NEDD4L: variants seen among roughly 807,000 people sequenced by gnomAD.
The protein encoded by NEDD4L is NEDD4 like E3 ubiquitin protein ligase, also known as E3 ubiquitin-protein ligase NEDD4-like.
A neutral mutation model predicts 148.9 loss-of-function variants in NEDD4L; 54 were observed. The ratio of observed to expected loss-of-function variants is 0.36; its 90% CI spans 0.29 to 0.45. The LOEUF (loss-of-function observed/expected upper bound fraction) is 0.45, where lower values mean the gene tolerates loss of function less well. Among genes scored for constraint, NEDD4L ranks in the 20% least tolerant of loss-of-function variants. The pLI is 1.00. For missense variants in NEDD4L, 856 were observed against 1,233.8 expected (o/e 0.69, Z 4.59); for synonymous variants, 433 against 440.7 (o/e 0.98, Z 0.22).
At chr18:58,155,030 A>G (rs1329502530) in intron 1 of NEDD4L, among the ~76,000 whole-genome samples, 1 of 152,254 alleles carries the variant, frequency 6.6e-6, no homozygotes, top group Non-Finnish European at 1.5e-5. Context: ...TGTGAAAGGA[A>G]TAAGTATTTA....
rs2081484465 is a variant in NEDD4L at position 58,044,555 on chromosome 18, TA to T, written c.-105del. 4.5e-6 allele frequency: 6 copies of T among 1,327,134 alleles called. No individual in the cohort carries two copies. The South Asian group carries it at 1.1e-4, about 24-fold the overall frequency. 82.2% of individuals were successfully genotyped at this position (1,327,134 alleles called of 1,614,324 possible). A position where few individuals can be genotyped will look rare whatever the true frequency, so the allele number is the denominator to read the frequency against. Reference sequence around the variant, plus strand: ...CTTACCCGGCAGGGCGTGCGCAGGGTAGGGTGCGGGACCGGGGGGACCTGGA... The same window carrying T: ...CTTACCCGGCAGGGCGTGCGCAGGGTGGGTGCGGGACCGGGGGGACCTGGA... On this transcript the variant is annotated 5_prime_UTR_variant, in exon 1 of 31. Transcript: ENST00000400345.
At chr18:58,394,129 G>A (rs531804127) in intron 30 of NEDD4L, among the ~76,000 whole-genome samples, 3 of 152,292 alleles carry the variant, frequency 2.0e-5, no homozygotes, top group East Asian at 3.9e-4. Context: ...AGCCAGGTCC[G>A]TGTGTCCTGA....
intron 5 of NEDD4L, among the ~76,000 whole-genome samples, chr18:58,274,850 C>T (rs553942398): frequency 1.3e-5 from 2 of 152,314 alleles, no homozygotes; most frequent in East Asian, 3.8e-4. Context: ...CTTGGTAATA[C>T]GTTTTTTATG....
In NEDD4L at chr18:58,291,299, A is replaced by G. The variant is rs540033458; in HGVS notation, c.298-24683A>G. ...CACAGCCCCCACTCAGAGGTGAGAT[A>G]GGTCACCTTTTCTCATTAGCCAAAA... On this transcript the variant is annotated intron_variant, in intron 5 of 30. Coordinates refer to ENST00000400345, the MANE Select transcript of NEDD4L (RefSeq NM_001144967.3). Among the ~76,000 whole-genome samples the G allele has an allele frequency of 3.3e-5, 5 of 152,362 alleles. No homozygotes were observed. In the East Asian group the frequency reaches 9.6e-4, roughly 29 times the overall value.
chr18:58,215,373 G>GTGA (rs1385236606), intron 2 of NEDD4L, among the ~76,000 whole-genome samples: 1 of 152,126 alleles, frequency 6.6e-6, no homozygotes, highest in Non-Finnish European at 1.5e-5. Context: ...TCTTCAGTCA[G>GTGA]TGATGCCAAG....
chr18:58,057,702 C>T (rs1361172402), intron 1 of NEDD4L, among the ~76,000 whole-genome samples: 1 of 152,144 alleles, frequency 6.6e-6, no homozygotes, highest in East Asian at 1.9e-4. Flanking sequence ...CTAGTCAATT[C>T]CATGGGCTGG....
At chr18:58,080,945 G>GT (rs2083398078) in intron 1 of NEDD4L, among the ~76,000 whole-genome samples, 1 of 152,040 alleles carries the variant, frequency 6.6e-6, no homozygotes, top group Admixed American at 6.6e-5. Flanking sequence ...GTAGAGGGCT[G>GT]GGGGGTATGA....
In NEDD4L at chr18:58,335,538, G is replaced by C; in HGVS notation, c.1125+1G>C. 2 of 1,611,346 alleles carry C rather than the reference G, an allele frequency of 1.2e-6. No homozygotes were observed. Among genetic ancestry groups the C allele is most frequent in the Non-Finnish European group, 1.7e-6 (2 of 1,177,552 alleles). On this transcript the variant is annotated splice_donor_variant, in intron 13 of 30. Transcript: ENST00000400345. LOFTEE classifies it high-confidence loss of function. ...TGTCACGGGTGGTGAGGAACCAACG[G>C]TAATGATCCACTTTATCAGACATCA...
chr18:58,400,760 A>G lies in NEDD4L; in HGVS notation c.*4491A>G, dbSNP rs1332005993. On this transcript the variant is annotated 3_prime_UTR_variant, in exon 31 of 31. Coordinates refer to ENST00000400345, the MANE Select transcript of NEDD4L (RefSeq NM_001144967.3). The stretch of plus-strand genomic sequence containing the variant: ...ATCAGAAGCCTTCCTCGTGACCATA[A>G]CTCTGTGTCTGCAGATATGTGTTCC... 2 of 151,818 alleles carry G rather than the reference A, an allele frequency of 1.3e-5. No individual in the cohort carries two copies. The highest frequency in any genetic ancestry group is 2.9e-5 in the Non-Finnish European group (2 of 67,952). The allele number at this position is 151,818 out of a possible 1,614,324, so 9.4% of individuals were successfully genotyped here.
At chr18:58,327,836 G>C (rs756022420) in intron 9 of NEDD4L, among the ~76,000 whole-genome samples, 23 of 152,098 alleles carry the variant, frequency 1.5e-4, no homozygotes, top group Admixed American at 6.5e-4. Flanking sequence ...GTATCTGTGA[G>C]AGTTTTCCCT....
intron 2 of NEDD4L, among the ~76,000 whole-genome samples, chr18:58,214,252 G>A (rs2042903343): frequency 6.6e-6 from 1 of 152,190 alleles, no homozygotes; most frequent in African/African-American, 2.4e-5. Flanking sequence ...CTGGCATCTG[G>A]AGAATACTTG....
chr18:58,089,929 TC>T (rs1262041020), intron 1 of NEDD4L, among the ~76,000 whole-genome samples: 1 of 151,144 alleles, frequency 6.6e-6, no homozygotes, highest in Non-Finnish European at 1.5e-5. Flanking sequence ...AACCTCCATC[TC>T]CCAAGCTCAA....
At chr18:58,047,503 T>C (rs1047338886) in intron 1 of NEDD4L, 1 of 985,400 alleles carries the variant, frequency 1.0e-6, no homozygotes, top group South Asian at 4.7e-5. Context: ...CTGTCCACTT[T>C]GTAGAAGGTA....
intron 1 of NEDD4L, among the ~76,000 whole-genome samples, chr18:58,086,886 T>C: frequency 6.6e-6 from 1 of 152,256 alleles, no homozygotes; most frequent in Non-Finnish European, 1.5e-5. Context: ...TCCATCTGAA[T>C]AGATTTCTCA....
At chr18:58,208,455 A>G (rs2042188444) in intron 2 of NEDD4L, among the ~76,000 whole-genome samples, 1 of 152,258 alleles carries the variant, frequency 6.6e-6, no homozygotes. Context: ...GATCATAAAA[A>G]TAATTCTGAA....
At chr18:58,287,135 A>C (rs1183203886) in intron 5 of NEDD4L, among the ~76,000 whole-genome samples, 1 of 147,856 alleles carries the variant, frequency 6.8e-6, no homozygotes, top group African/African-American at 2.5e-5. Flanking sequence ...TTAGAATTTG[A>C]CATTGTTCAA....
chr18:58,134,769 AT>A (rs71173032), intron 1 of NEDD4L, among the ~76,000 whole-genome samples: 53,978 of 131,092 alleles, frequency 0.41, 7,770 homozygotes, highest in East Asian at 0.47. Flanking sequence ...AGCAATTTTC[AT>A]TTTTTTTTTT....
chr18:58,394,952 A>G (rs1288724293), intron 30 of NEDD4L, among the ~76,000 whole-genome samples: 1 of 152,194 alleles, frequency 6.6e-6, no homozygotes, highest in Admixed American at 6.5e-5. Flanking sequence ...AGGCAGCACA[A>G]GTGCACTTCA....
chr18:58,338,556 A>C (rs1055313614), intron 13 of NEDD4L, among the ~76,000 whole-genome samples: 7 of 152,230 alleles, frequency 4.6e-5, no homozygotes, highest in Non-Finnish European at 8.8e-5. Context: ...AATCAAATTC[A>C]GCGTTCTGTA....
Sources: allele counts gnomAD v4.1 joint callset (sites outside exome capture counted in the v4.1 genomes callset), GRCh38; gene constraint gnomAD v4.1.1; transcripts MANE v1.5; gene names NCBI Gene and HGNC (gene_info 2026-07-23, HGNC 2026-07-21).